Variants in CPS1 observed in about 807,000 individuals in gnomAD.
CPS1 encodes carbamoyl-phosphate synthase [ammonia], mitochondrial.
In CPS1, 109 loss-of-function variants were observed where a neutral mutation model predicts 174.6. The observed-to-expected ratio is 0.62, with a 90% CI of 0.53 to 0.73. CPS1 has a LOEUF of 0.73. Among genes scored for constraint, CPS1 ranks in the 30% least tolerant of loss-of-function variants. The pLI is 0.00. For missense variants in CPS1, 1,689 were observed against 1,821.9 expected (o/e 0.93, Z 1.33); for synonymous variants, 637 against 632.0 (o/e 1.01, Z -0.12).
chr2:210,535,081 C>G (rs1696211735), intron 1 of CPS1, among the ~76,000 whole-genome samples: 1 of 152,226 alleles, frequency 6.6e-6, no homozygotes, highest in East Asian at 1.9e-4. Context: ...GCCCACTGAG[C>G]ACTTCCCTGT....
chr2:210,569,788 T>A (rs1697418900), intron 1 of CPS1, among the ~76,000 whole-genome samples: 1 of 152,076 alleles, frequency 6.6e-6, no homozygotes, highest in East Asian at 1.9e-4. Context: ...ATCCTTTGGT[T>A]ACTTTTCCTG....
chr2:210,513,499 G>A (rs1178635696), intron 1 of CPS1, among the ~76,000 whole-genome samples: 1 of 151,842 alleles, frequency 6.6e-6, no homozygotes, highest in Non-Finnish European at 1.5e-5. Flanking sequence ...TGTGAGAAAT[G>A]TCTGTCCATG....
At chr2:210,660,456 C>G (rs752314212) in intron 31 of CPS1, 29 bp from the exon 32 acceptor site, 1 of 1,610,562 alleles carries the variant, frequency 6.2e-7, no homozygotes, top group African/African-American at 1.3e-5. Flanking sequence ...TCAATGTCCT[C>G]TTTCTCATTT....
At chr2:210,621,402 CTA>C (rs900129557) in intron 21 of CPS1, among the ~76,000 whole-genome samples, 1 of 152,102 alleles carries the variant, frequency 6.6e-6, no homozygotes, top group African/African-American at 2.4e-5. Flanking sequence ...AAAATGAAGT[CTA>C]TATAAATTTT....
At chr2:210,592,809 G>A (rs1698351516) in intron 10 of CPS1, 70 bp from the exon 11 acceptor site, 1 of 1,446,968 alleles carries the variant, frequency 6.9e-7, no homozygotes, top group Admixed American at 1.7e-5. Context: ...ATTGTTCCCT[G>A]AATAATACAT....
At chr2:210,547,814 G>T (rs188562263) in intron 1 of CPS1, among the ~76,000 whole-genome samples, 66 of 151,958 alleles carry the variant, frequency 4.3e-4, no homozygotes, top group African/African-American at 1.4e-3. Context: ...TGCAAATTTG[G>T]AGCACTACAT....
At chr2:210,538,484 T>G (rs1015981805) in intron 1 of CPS1, among the ~76,000 whole-genome samples, 6 of 152,140 alleles carry the variant, frequency 3.9e-5, no homozygotes, top group African/African-American at 1.4e-4. Flanking sequence ...ATTTTAATTT[T>G]AATCCTTTAC....
Position 210,599,460 on chromosome 2 carries a change from A to G in CPS1, c.1448A>G (p.Tyr483Cys), listed in dbSNP as rs764789960. 4 of 1,612,608 alleles carry G rather than the reference A, an allele frequency of 2.5e-6. No individual in the cohort carries two copies. In the South Asian group the frequency reaches 3.3e-5, roughly 13 times the overall value. The change falls in exon 14 of 38, where the codon TAC becomes TGC. Residue 483 changes from tyrosine to cysteine, a missense_variant. Transcript: ENST00000233072. ...GGCTTAAAGCAAGCGGATACTGTCT[A>G]CTTTCTTCCCATCACCCCTCAGTTT... ...EVGLKQADTV[Y>C]FLPITPQFVT...
At chr2:210,628,344 T>C (rs1323997500) in intron 21 of CPS1, among the ~76,000 whole-genome samples, 1 of 152,170 alleles carries the variant, frequency 6.6e-6, no homozygotes, top group Non-Finnish European at 1.5e-5. Context: ...CATATCAACA[T>C]AGACTGAATA....
chr2:210,600,450 A>C, intron 14 of CPS1, 105 bp from the exon 15 acceptor site: 1 of 1,145,286 alleles, frequency 8.7e-7, no homozygotes, highest in South Asian at 1.4e-5. Context: ...GACAGTGGTA[A>C]CTTCTCGGAT....
chr2:210,483,670 A>T (rs1358067595), intron 1 of CPS1, among the ~76,000 whole-genome samples: 1 of 152,070 alleles, frequency 6.6e-6, no homozygotes, highest in Non-Finnish European at 1.5e-5. Context: ...TTCCTAATTT[A>T]CTCTCTCTGC....
chr2:210,642,003 A>G (rs956260505), intron 24 of CPS1, among the ~76,000 whole-genome samples: 6 of 152,176 alleles, frequency 3.9e-5, no homozygotes, highest in African/African-American at 1.4e-4. Flanking sequence ...ATCAATCAGG[A>G]TATGTCAGAG....
intron 1 of CPS1, among the ~76,000 whole-genome samples, chr2:210,512,533 T>A (rs1453423776): frequency 6.6e-6 from 1 of 151,504 alleles, no homozygotes; most frequent in Non-Finnish European, 1.5e-5. Flanking sequence ...AAGGACATGA[T>A]TTTATTCTTT....
rs759580115 is a variant in CPS1 at position 210,595,601 on chromosome 2, T to C, written c.1359+19T>C. 1.7e-5 allele frequency: 25 copies of C among 1,511,176 alleles called. No homozygotes were observed. The highest frequency in any genetic ancestry group is 1.4e-5 in the African/African-American group (1 of 72,764). 93.6% of individuals were successfully genotyped at this position (1,511,176 alleles called of 1,614,324 possible). A position where few individuals can be genotyped will look rare whatever the true frequency, so the allele number is the denominator to read the frequency against. On this transcript the variant is annotated intron_variant, in intron 13 of 37. Transcript: ENST00000233072. ...CATGAAGGTGAGAGAATATGATCCTTACTAGAATTAATATGCTTCCTTTAA... is the reference window on the plus strand; with the variant it reads ...CATGAAGGTGAGAGAATATGATCCTCACTAGAATTAATATGCTTCCTTTAA...
chr2:210,608,364 C>T lies in CPS1; in HGVS notation c.2196C>T (p.Tyr732=), dbSNP rs1330151787. ...SSALASKATG[Y]PLAFIAAKIA... The stretch of plus-strand genomic sequence containing the variant: ...TAAATTTGTCTTCTTTTTATAGCTA[C>T]CCATTGGCATTCATTGCTGCAAAGA... Residue 732 remains tyrosine (Y), a synonymous_variant, in exon 19 of 38, where the codon TAC becomes TAT. Transcript: ENST00000233072. 3.7e-6 allele frequency: 6 copies of T among 1,611,584 alleles called. No homozygotes were observed. The African/African-American group carries it at 6.7e-5, about 18-fold the overall frequency.
At position 210,604,069 on chromosome 2, in the gene CPS1, CG is replaced by C. The variant is rs575240558; in HGVS notation, c.1837-1031del. Among the ~76,000 whole-genome samples the C allele has an allele frequency of 9.0e-4, 137 of 151,816 alleles. 3 individuals are homozygous for C. The highest frequency in any genetic ancestry group is 9.0e-3 in the Admixed American group (137 of 15,218). ...TAGATTTCTTCTTTTAGCAGGCAAC[CG>C]GAATGATGAATTAATCATTATTAAA... On this transcript the variant is annotated intron_variant, in intron 16 of 37. Coordinates refer to ENST00000233072, the MANE Select transcript of CPS1 (RefSeq NM_001875.5).
intron 13 of CPS1, 33 bp downstream of exon 13, chr2:210,595,615 T>C (rs928027361): frequency 7.1e-7 from 1 of 1,402,142 alleles, no homozygotes. Flanking sequence ...AGAATTAATA[T>C]GCTTCCTTTA....
At chr2:210,555,131 C>T (rs1401621639), upstream of CPS1, among the ~76,000 whole-genome samples, 1 of 152,012 alleles carries the variant, frequency 6.6e-6, no homozygotes. Flanking sequence ...GGTACCTTTT[C>T]ATTTTCCCAT....
chr2:210,643,785 T>G (rs1330652388), intron 25 of CPS1, among the ~76,000 whole-genome samples: 1 of 152,090 alleles, frequency 6.6e-6, no homozygotes, highest in Non-Finnish European at 1.5e-5. Flanking sequence ...ATAGAATATA[T>G]AGCATTTTTT....
Sources: gnomAD v4.1 joint callset for allele counts (sites outside exome capture counted in the v4.1 genomes callset) on GRCh38, gnomAD v4.1.1 for gene constraint, MANE v1.5 for transcripts, NCBI Gene and HGNC (gene_info 2026-07-23, HGNC 2026-07-21) for gene names.